Variants in STXBP4 observed in about 807,000 individuals in gnomAD.
STXBP4 encodes the protein syntaxin-binding protein 4.
STXBP4 carries 55 observed loss-of-function variants against 76.1 expected under a neutral mutation model. The observed-to-expected ratio is 0.72, with a 90% CI of 0.58 to 0.91. The LOEUF (loss-of-function observed/expected upper bound fraction) is 0.91. STXBP4 is among the 40% of genes least tolerant of loss of function. The pLI is 0.00. For synonymous variants in STXBP4, 201 were observed against 220.2 expected, an observed-to-expected ratio of 0.91 and a Z score of 0.77; for missense variants, 618 against 636.9, an observed-to-expected ratio of 0.97 and a Z score of 0.32.
At position 55,166,915 on chromosome 17, in the gene STXBP4, G is replaced by A. The variant is rs926789991; in HGVS notation, c.*7004G>A. 2 of 152,268 alleles carry A rather than the reference G, an allele frequency of 1.3e-5. No individual in the cohort carries two copies. 9.4% of individuals were successfully genotyped at this position (152,268 alleles called of 1,614,324 possible). ...AAACCGGAACTCTGGTTAAAGCTAA[G>A]TGGTCTCTCTCACTGTGGCTGTTCC... On this transcript the variant is annotated 3_prime_UTR_variant, in exon 18 of 18. Coordinates refer to ENST00000376352, the MANE Select transcript of STXBP4 (RefSeq NM_178509.6).
chr17:55,058,365 C>A (rs142086676), intron 12 of STXBP4, among the ~76,000 whole-genome samples: 49 of 152,278 alleles, frequency 3.2e-4, no homozygotes, highest in Non-Finnish European at 4.4e-5. Flanking sequence ...TGAGAAGTGT[C>A]TGTTCATATC....
intron 12 of STXBP4, among the ~76,000 whole-genome samples, chr17:55,056,290 A>G (rs1189659491): frequency 6.6e-6 from 1 of 152,092 alleles, no homozygotes; most frequent in East Asian, 1.9e-4. Context: ...TTTATACTGT[A>G]TCTTTGAAAT....
the STXBP4 span, among the ~76,000 whole-genome samples, chr17:55,179,590 C>A: frequency 2.0e-5 from 3 of 152,188 alleles, no homozygotes; most frequent in African/African-American, 7.2e-5. Flanking sequence ...CCTACTTCTG[C>A]TACCCATGAG....
At chr17:55,183,464 T>C in the STXBP4 span, among the ~76,000 whole-genome samples, 1 of 152,028 alleles carries the variant, frequency 6.6e-6, no homozygotes, top group Non-Finnish European at 1.5e-5. Flanking sequence ...ACAAGAAATA[T>C]GTACATACAT....
rs1285808157 is a variant in STXBP4, at chr17:55,084,265, T to C, written c.1489+3082T>C. 2.0e-5 allele frequency among the ~76,000 whole-genome samples: 3 copies of C among 152,226 alleles called. No homozygotes were observed. In the East Asian group the frequency reaches 5.8e-4, roughly 29 times the overall value. Reference sequence around the variant, plus strand: ...AGCATTTTTTCATGTGTTTTTTGGCTGCATAAATGTCTTCTTTAGAGAAGT... The same window carrying C: ...AGCATTTTTTCATGTGTTTTTTGGCCGCATAAATGTCTTCTTTAGAGAAGT... On this transcript the variant is annotated intron_variant, in intron 16 of 17. Transcript: ENST00000376352.
chr17:55,058,434 G>T (rs1449759809), intron 12 of STXBP4, among the ~76,000 whole-genome samples: 1 of 152,106 alleles, frequency 6.6e-6, no homozygotes, highest in Non-Finnish European at 1.5e-5. Flanking sequence ...CATAGCTGGA[G>T]CACCATTTAT....
At chr17:54,973,604 T>G (rs1401434339) in intron 1 of STXBP4, among the ~76,000 whole-genome samples, 1 of 152,216 alleles carries the variant, frequency 6.6e-6, no homozygotes, top group Non-Finnish European at 1.5e-5. Flanking sequence ...GAAATGAATA[T>G]TTTTTTCTCT....
At chr17:55,193,378 A>T in the STXBP4 span, among the ~76,000 whole-genome samples, 3 of 152,198 alleles carry the variant, frequency 2.0e-5, no homozygotes, top group Admixed American at 2.0e-4. Context: ...CAGGCAAAAA[A>T]GTTTGGGTGG....
chr17:55,043,612 T>C (rs946077923), intron 11 of STXBP4: 1 of 1,549,536 alleles, frequency 6.5e-7, no homozygotes, highest in African/African-American at 1.4e-5. Flanking sequence ...CTCTCATTAG[T>C]GGCCAGGGCA....
chr17:55,115,223 C>A (rs1227585651), intron 16 of STXBP4, among the ~76,000 whole-genome samples: 1 of 151,778 alleles, frequency 6.6e-6, no homozygotes, highest in Non-Finnish European at 1.5e-5. Context: ...AAGTATCTTG[C>A]AGTAAATCAA....
Position 55,078,719 on chromosome 17 carries a change from C to A in STXBP4, c.1339C>A (p.Pro447Thr), listed in dbSNP as rs2079219415. The change falls in exon 15 of 18, where the codon CCT becomes ACT. Residue 447 changes from proline to threonine, a missense_variant. Coordinates refer to ENST00000376352, the MANE Select transcript of STXBP4 (RefSeq NM_178509.6). ...AGAAGTATTTTCTGATAATTCTACT[C>A]CTTTATCAAATTTAAGGTAAGAAAA... is the stretch of plus-strand genomic sequence containing the variant. Reference protein sequence around the residue: ...IQEVFSDNSTPLSNLSERRAV... With the variant: ...IQEVFSDNSTTLSNLSERRAV... 1 of 1,561,070 alleles carries A rather than the reference C, an allele frequency of 6.4e-7. No individual in the cohort carries two copies. Among genetic ancestry groups the A allele is most frequent in the Non-Finnish European group, 8.8e-7 (1 of 1,133,836 alleles).
At position 54,971,885 on chromosome 17, in the gene STXBP4, A is replaced by G. The variant is rs376674561; in HGVS notation, c.-157+3070A>G. ...GCCTTAGGTGGTCTTGGTCTCCCAT[A>G]GTGCTGGGATTACAGGCATGAGCCA... On this transcript the variant is annotated intron_variant, in intron 1 of 17. Transcript: ENST00000376352. Among the ~76,000 whole-genome samples, 231 of 152,118 alleles carry G rather than the reference A, an allele frequency of 1.5e-3. 7 individuals carry two copies. In the South Asian group the frequency reaches 0.046, roughly 30 times the overall value.
In STXBP4 at chr17:55,042,661, C is replaced by A. The variant is rs562638338; in HGVS notation, c.856-575C>A. ...TGCTAGATGTACGAGATATGGTCAT[C>A]TCTGCATTTTTTGTTATTGTTATTC... On this transcript the variant is annotated intron_variant, in intron 10 of 17. Coordinates refer to ENST00000376352, the MANE Select transcript of STXBP4 (RefSeq NM_178509.6). Among the ~76,000 whole-genome samples the A allele has an allele frequency of 2.9e-4, 44 of 152,150 alleles. 1 individual carries two copies. The highest frequency in any genetic ancestry group is 6.8e-3 in the Middle Eastern group (2 of 294).
chr17:55,079,515 T>G lies in STXBP4; in HGVS notation c.1355+780T>G, dbSNP rs191262489. 3.3e-3 allele frequency among the ~76,000 whole-genome samples: 502 copies of G among 150,376 alleles called. 2 individuals are homozygous for G. Among genetic ancestry groups the G allele is most frequent in the African/African-American group, 0.011 (467 of 40,886 alleles). ...GTGCATACCTGTAATCCCAGTATTT[T>G]GGGAGGCTGAGGCAGGGGGATCACT... On this transcript the variant is annotated intron_variant, in intron 15 of 17. Transcript: ENST00000376352.
chr17:55,149,358 A>T (rs1354975873), intron 17 of STXBP4, among the ~76,000 whole-genome samples: 1 of 88,254 alleles, frequency 1.1e-5, no homozygotes, highest in Non-Finnish European at 3.0e-5. Flanking sequence ...TTAGTATCAG[A>T]CAGAGCTAGC....
chr17:55,084,007 T>A (rs2079291716), intron 16 of STXBP4, among the ~76,000 whole-genome samples: 2 of 152,178 alleles, frequency 1.3e-5, no homozygotes, highest in South Asian at 2.1e-4. Context: ...TGTGATACAT[T>A]ACTGGGTCAA....
At chr17:55,067,062 T>C (rs1471722298) in intron 12 of STXBP4, among the ~76,000 whole-genome samples, 1 of 152,188 alleles carries the variant, frequency 6.6e-6, no homozygotes, top group Non-Finnish European at 1.5e-5. Flanking sequence ...TAAGGCAGTT[T>C]TTGTATATGA....
chr17:55,147,428 A>G (rs1204879786), intron 17 of STXBP4, among the ~76,000 whole-genome samples: 1 of 152,218 alleles, frequency 6.6e-6, no homozygotes. Flanking sequence ...CCTGCTGTGC[A>G]GCTGAGCTCC....
intron 1 of STXBP4, among the ~76,000 whole-genome samples, chr17:54,981,991 A>C (rs2077557051): frequency 6.6e-6 from 1 of 152,166 alleles, no homozygotes; most frequent in South Asian, 2.1e-4. Context: ...AACTGGCAAA[A>C]ATCCAAACGT....
Sources: allele counts gnomAD v4.1 joint callset (sites outside exome capture counted in the v4.1 genomes callset), GRCh38; gene constraint gnomAD v4.1.1; transcripts MANE v1.5; gene names NCBI Gene and HGNC (gene_info 2026-07-23, HGNC 2026-07-21).